The following TTLL5 variants were observed in gnomAD, a reference collection of about 807,000 sequenced individuals.
TTLL5 encodes the protein tubulin polyglutamylase TTLL5.
TTLL5 carries 132 observed loss-of-function variants against 168.4 expected under a neutral mutation model. The ratio of observed to expected loss-of-function variants is 0.78; its 90% confidence interval spans 0.68 to 0.91. TTLL5 has a LOEUF of 0.91. Ranked by LOEUF, TTLL5 falls within the 40% of genes least tolerant of loss-of-function variation. The pLI is 0.00. For missense variants in TTLL5, 1,545 were observed against 1,581.5 expected, an observed-to-expected ratio of 0.98 and a Z score of 0.39; for synonymous variants, 546 against 558.6, an observed-to-expected ratio of 0.98 and a Z score of 0.32.
chr14:75,758,463 C>T (rs1890420253), intron 18 of TTLL5, among the ~76,000 whole-genome samples: 1 of 152,028 alleles, frequency 6.6e-6, no homozygotes, highest in South Asian at 2.1e-4. Flanking sequence ...AAATATGCTT[C>T]CTATAACATA....
In TTLL5 at chr14:75,690,279, C is replaced by T. The variant is rs1885355304; in HGVS notation, c.459C>T (p.Leu153=). 2 of 1,610,662 alleles carry T rather than the reference C, an allele frequency of 1.2e-6. No homozygotes were observed. Among genetic ancestry groups the T allele is most frequent in the East Asian group, 4.5e-5 (2 of 44,730 alleles). The change falls in exon 6 of 32, where the codon CTC becomes CTT. Residue 153 remains leucine, a synonymous_variant. Transcript: ENST00000298832. ...HTHGFKAFHI[L]PQTFLLPAEY... is the part of the protein sequence containing the mutation. ...ATGGATTCAAGGCTTTTCACATCCTCCCCCAGACCTTCCTCCTGCCAGCTG... is the reference window on the plus strand; with the variant it reads ...ATGGATTCAAGGCTTTTCACATCCTTCCCCAGACCTTCCTCCTGCCAGCTG...
intron 26 of TTLL5, 133 bp downstream of exon 26, chr14:75,783,663 C>T (rs146320495): frequency 2.2e-5 from 28 of 1,272,350 alleles, no homozygotes; most frequent in South Asian, 1.8e-4. Flanking sequence ...ATTGTTCTGA[C>T]GTGACTAAAG....
At chr14:75,904,482 A>G (rs2033063486) in intron 31 of TTLL5, among the ~76,000 whole-genome samples, 1 of 152,082 alleles carries the variant, frequency 6.6e-6, no homozygotes, top group Non-Finnish European at 1.5e-5. Flanking sequence ...TGAACTTTGC[A>G]TGCACTCCAG....
chr14:75,949,598 C>T (rs564587438), intron 31 of TTLL5, among the ~76,000 whole-genome samples: 49 of 151,834 alleles, frequency 3.2e-4, no homozygotes, highest in Non-Finnish European at 6.2e-4. Context: ...CGCCTGTAAT[C>T]CTAGCACTTT....
intron 26 of TTLL5, among the ~76,000 whole-genome samples, chr14:75,789,359 A>G (rs952954091): frequency 2.6e-5 from 4 of 152,218 alleles, no homozygotes; most frequent in Non-Finnish European, 4.4e-5. Flanking sequence ...GTGTAATTGC[A>G]GATAATATAT....
chr14:75,740,522 C>A (rs1889191787), intron 15 of TTLL5, among the ~76,000 whole-genome samples: 2 of 152,066 alleles, frequency 1.3e-5, no homozygotes, highest in South Asian at 4.1e-4. Flanking sequence ...AAGCCAATTT[C>A]CTTAATAACA....
At chr14:75,949,107 T>C (rs902487556) in intron 31 of TTLL5, among the ~76,000 whole-genome samples, 1 of 152,050 alleles carries the variant, frequency 6.6e-6, no homozygotes, top group African/African-American at 2.4e-5. Flanking sequence ...AGATAACATA[T>C]TTGATTGTAA....
chr14:75,709,024 G>T (rs1193452950), intron 9 of TTLL5, among the ~76,000 whole-genome samples: 1 of 152,144 alleles, frequency 6.6e-6, no homozygotes, highest in Middle Eastern at 3.2e-3. Flanking sequence ...ATTTGTGTTG[G>T]GCCACATTCA....
At position 75,663,088 on chromosome 14, in the gene TTLL5, A is replaced by T; in HGVS notation, c.-62A>T. 1 of 1,489,136 alleles carries T rather than the reference A, an allele frequency of 6.7e-7. No homozygotes were observed. The highest frequency in any genetic ancestry group is 9.3e-7 in the Non-Finnish European group (1 of 1,073,798). The allele number at this position is 1,489,136 out of a possible 1,614,324, so 92.2% of individuals were successfully genotyped here. On this transcript the variant is annotated 5_prime_UTR_variant, in exon 2 of 32. Transcript: ENST00000298832. ...GCCATCCAAATTGCTTGATCCAGTG[A>T]ATCTGCTAGGAAAGGTCTCTGAGGC...
chr14:75,937,790 A>G (rs766446981), intron 31 of TTLL5, among the ~76,000 whole-genome samples: 6 of 152,206 alleles, frequency 3.9e-5, no homozygotes, highest in Non-Finnish European at 8.8e-5. Context: ...CCACCTTTAA[A>G]TATTGTGAAT....
intron 6 of TTLL5, among the ~76,000 whole-genome samples, chr14:75,693,863 A>G (rs1437912622): frequency 1.3e-5 from 2 of 152,244 alleles, no homozygotes; most frequent in African/African-American, 4.8e-5. Context: ...TTTCAAAGCA[A>G]TGGGTAAATT....
intron 3 of TTLL5, among the ~76,000 whole-genome samples, chr14:75,678,971 T>C (rs113546113): frequency 8.7e-4 from 133 of 152,354 alleles, no homozygotes; most frequent in African/African-American, 2.9e-3. Context: ...TCTTATAGTT[T>C]TTGTAAAATG....
chr14:75,712,658 C>T (rs1302301126), intron 9 of TTLL5, among the ~76,000 whole-genome samples: 3 of 151,912 alleles, frequency 2.0e-5, no homozygotes, highest in Non-Finnish European at 2.9e-5. Context: ...AACTCCAGTG[C>T]AGTTTCAGTT....
intron 29 of TTLL5, among the ~76,000 whole-genome samples, 198 bp from the exon 30 acceptor site, chr14:75,882,487 C>A (rs2031871378): frequency 6.6e-6 from 1 of 152,130 alleles, no homozygotes; most frequent in African/African-American, 2.4e-5. Flanking sequence ...AAGACCATTT[C>A]AACAATCTGC....
At chr14:75,773,394 T>C (rs1353482407) in intron 21 of TTLL5, among the ~76,000 whole-genome samples, 1 of 152,204 alleles carries the variant, frequency 6.6e-6, no homozygotes, top group Non-Finnish European at 1.5e-5. Context: ...GTTATGAGGC[T>C]GTTTCACTTA....
chr14:75,829,591 C>T (rs1017268842), intron 28 of TTLL5, among the ~76,000 whole-genome samples: 13 of 146,050 alleles, frequency 8.9e-5, no homozygotes, highest in African/African-American at 3.0e-4. Flanking sequence ...ACACAGAAAG[C>T]GAGTGATTTT....
chr14:75,793,095 C>A lies in TTLL5; in HGVS notation c.3166C>A (p.Gln1056Lys). 3.7e-6 allele frequency: 6 copies of A among 1,609,216 alleles called. No individual in the cohort carries two copies. The highest frequency in any genetic ancestry group is 5.1e-6 in the Non-Finnish European group (6 of 1,177,084). ...ATCCAGCCACATCAACCTCCTCACC[C>A]AACAGGTACGGATGGTCTGGGGTGT... is the stretch of plus-strand genomic sequence containing the variant. ...SPSSHINLLTQQVTNLNLATG... is the reference protein window; with the variant it reads ...SPSSHINLLTKQVTNLNLATG... The change falls in exon 27 of 32, where the codon CAA becomes AAA. Residue 1056 changes from glutamine (Q) to lysine (K), a missense_variant. Physicochemically the swap from Gln to Lys is moderately conservative, Grantham distance 53. Coordinates refer to ENST00000298832, the MANE Select transcript of TTLL5 (RefSeq NM_015072.5).
Position 75,712,988 on chromosome 14 carries a change from G to A in TTLL5, c.741-4873G>A, listed in dbSNP as rs188145584. Reference sequence around the variant, plus strand: ...TAGGGTTTCAAATTTAACAAAGAAAGTAGGAACTCTCCCACCTTTTGTTAG... The same window carrying A: ...TAGGGTTTCAAATTTAACAAAGAAAATAGGAACTCTCCCACCTTTTGTTAG... On this transcript the variant is annotated intron_variant, in intron 9 of 31. Coordinates refer to ENST00000298832, the MANE Select transcript of TTLL5 (RefSeq NM_015072.5). 5.1e-3 allele frequency among the ~76,000 whole-genome samples: 781 copies of A among 152,238 alleles called. 6 individuals are homozygous for A. The highest frequency in any genetic ancestry group is 0.015 in the African/African-American group (620 of 41,546).
intron 31 of TTLL5, among the ~76,000 whole-genome samples, chr14:75,948,053 A>G (rs1167678877): frequency 3.3e-5 from 5 of 152,180 alleles, no homozygotes; most frequent in Non-Finnish European, 5.9e-5. Flanking sequence ...GCAATCTTCT[A>G]TGGGGGAGTT....
Sources: gnomAD v4.1 joint callset for allele counts (sites outside exome capture counted in the v4.1 genomes callset) on GRCh38, gnomAD v4.1.1 for gene constraint, MANE v1.5 for transcripts, NCBI Gene and HGNC (gene_info 2026-07-23, HGNC 2026-07-21) for gene names.